The following CSF1R variants were observed in gnomAD, a reference collection of about 807,000 sequenced individuals.
CSF1R encodes colony stimulating factor 1 receptor, also known as macrophage colony-stimulating factor 1 receptor.
CSF1R carries 40 observed loss-of-function variants against 110.0 expected under a neutral mutation model. The observed-to-expected ratio is 0.36, with a 90% CI of 0.28 to 0.47. CSF1R has a LOEUF of 0.47. Among genes scored for constraint, CSF1R ranks in the 20% least tolerant of loss-of-function variants. The pLI, the probability that CSF1R is intolerant of heterozygous loss-of-function variation, is 0.99. For synonymous variants in CSF1R, 523 were observed against 503.4 expected, an observed-to-expected ratio of 1.04 and a Z score of -0.52; for missense variants, 1,052 against 1,253.0, an observed-to-expected ratio of 0.84 and a Z score of 2.42.
intron 18 of CSF1R, 131 bp from the exon 19 acceptor site, chr5:150,055,467 G>A (rs540992726): frequency 4.2e-5 from 31 of 740,492 alleles, no homozygotes; most frequent in Middle Eastern, 3.0e-4. Flanking sequence ...ACTCTTACCC[G>A]GTGCTTCCTG....
At chr5:150,084,427 GA>G (rs1758732063) in intron 1 of CSF1R, among the ~76,000 whole-genome samples, 1 of 65,696 alleles carries the variant, frequency 1.5e-5, no homozygotes, top group Non-Finnish European at 3.0e-5. Context: ...AGGAAGGAAG[GA>G]AGGAAGGAAG....
intron 1 of CSF1R, among the ~76,000 whole-genome samples, chr5:150,102,571 CCAGGTT>C (rs1759436309): frequency 6.6e-6 from 1 of 152,152 alleles, no homozygotes; most frequent in South Asian, 2.1e-4. Context: ...CCTCTGACTC[CCAGGTT>C]CAAGCGATTC....
At chr5:150,110,667 ATAT>A (rs1759690199) in intron 1 of CSF1R, among the ~76,000 whole-genome samples, 1 of 152,244 alleles carries the variant, frequency 6.6e-6, no homozygotes, top group Non-Finnish European at 1.5e-5. Flanking sequence ...ACAGATACAA[ATAT>A]TAGTATGGAT....
At chr5:150,090,726 A>G (rs1236839368), upstream of CSF1R, among the ~76,000 whole-genome samples, 2 of 152,238 alleles carry the variant, frequency 1.3e-5, no homozygotes, top group African/African-American at 4.8e-5. Context: ...AAAAATAGGC[A>G]AATTCAAATA....
intron 1 of CSF1R, among the ~76,000 whole-genome samples, chr5:150,100,845 AAGT>A (rs1759382259): frequency 6.6e-6 from 1 of 152,200 alleles, no homozygotes; most frequent in Non-Finnish European, 1.5e-5. Flanking sequence ...GAATAGTAAA[AAGT>A]AGTATTTATA....
At chr5:150,105,347 C>CAAAAAAA (rs780403646) in intron 1 of CSF1R, among the ~76,000 whole-genome samples, 4 of 76,552 alleles carry the variant, frequency 5.2e-5, no homozygotes, top group African/African-American at 1.2e-4. Flanking sequence ...GACTCTGTCT[C>CAAAAAAA]AAAAAAAAAA....
At chr5:150,096,467 T>C (rs1300432370) in intron 1 of CSF1R, among the ~76,000 whole-genome samples, 1 of 152,168 alleles carries the variant, frequency 6.6e-6, no homozygotes, top group African/African-American at 2.4e-5. Context: ...AGAGATGACT[T>C]TTTAATTCAT....
intron 1 of CSF1R, among the ~76,000 whole-genome samples, chr5:150,095,975 C>G (rs1208304275): frequency 1.3e-5 from 2 of 152,164 alleles, no homozygotes; most frequent in Non-Finnish European, 2.9e-5. Flanking sequence ...ATAACATGAA[C>G]AGTCCTGTAT....
At chr5:150,075,812 C>G (rs1227587639) in intron 5 of CSF1R, among the ~76,000 whole-genome samples, 10 of 152,138 alleles carry the variant, frequency 6.6e-5, no homozygotes, top group African/African-American at 2.4e-4. Context: ...GATTAGAAGC[C>G]GTAACTGAAT....
intron 19 of CSF1R, 69 bp downstream of exon 19, chr5:150,055,168 A>G: frequency 1.4e-6 from 2 of 1,383,320 alleles, no homozygotes; most frequent in East Asian, 2.3e-5. Context: ...TCAGGGCCAC[A>G]CGGCCTTCCA....
chr5:150,085,277 G>GAAAAAAAAAAAAAAAAGAA, intron 1 of CSF1R, among the ~76,000 whole-genome samples: 1 of 92,466 alleles, frequency 1.1e-5, no homozygotes, highest in East Asian at 3.6e-4. Flanking sequence ...TCTGTCTCAG[G>GAAAAAAAAAAAAAAAAGAA]AAAAAAAAAA....
Position 150,086,361 on chromosome 5 carries a change from C to A in CSF1R, c.49+18G>T, listed in dbSNP as rs375924060. On this transcript the variant is annotated intron_variant, in intron 1 of 20. Transcript: ENST00000675795. The stretch of plus-strand genomic sequence containing the variant: ...ATCACACCCCAACAAAGTCCCCCAC[C>A]CCCCGTTCTGCTCTTACCATGCCAA... The A allele has an allele frequency of 3.8e-6, 6 of 1,596,434 alleles. No homozygotes were observed. The highest frequency in any genetic ancestry group is 2.7e-5 in the African/African-American group (2 of 74,552).
upstream of CSF1R, chr5:150,086,567 TC>T: frequency 1.3e-6 from 1 of 752,318 alleles, no homozygotes; most frequent in Non-Finnish European, 2.2e-6. Flanking sequence ...CTTGTTTTCC[TC>T]TTCCTCCTCC....
At chr5:150,074,900 A>G (rs956802290) in intron 5 of CSF1R, among the ~76,000 whole-genome samples, 1 of 152,136 alleles carries the variant, frequency 6.6e-6, no homozygotes, top group Non-Finnish European at 1.5e-5. Flanking sequence ...TGAACACACC[A>G]TAGTCATTCC....
Position 150,054,031 on chromosome 5 carries a change from T to C in CSF1R, c.*38A>G, listed in dbSNP as rs764596420. On this transcript the variant is annotated 3_prime_UTR_variant, in exon 21 of 21. Transcript: ENST00000675795. Reference sequence around the variant, plus strand: ...CCCCATCCATGGAGGAGTTGAAGTTTGTGGGAGGGGAGAGTGGTACTCCCT... The same window carrying C: ...CCCCATCCATGGAGGAGTTGAAGTTCGTGGGAGGGGAGAGTGGTACTCCCT... 11 of 1,604,086 alleles carry C rather than the reference T, an allele frequency of 6.9e-6. No homozygotes were observed. Among genetic ancestry groups the C allele is most frequent in the Non-Finnish European group, 9.4e-6 (11 of 1,172,880 alleles).
chr5:150,061,083 C>A, intron 12 of CSF1R, 111 bp from the exon 13 acceptor site: 1 of 712,304 alleles, frequency 1.4e-6, no homozygotes, highest in Non-Finnish European at 2.4e-6. Context: ...AGGGCATACC[C>A]CAAGACCCGG....
rs530012022 is a variant in CSF1R, at chr5:150,074,608, G to A, written c.890-1115C>T. ...TGCCTGTCATGGTAGCCCCTGACAT[G>A]CCTTCTTAAAACCTCAGGGCTCTGC... On this transcript the variant is annotated intron_variant, in intron 5 of 20. Transcript: ENST00000675795. Among the ~76,000 whole-genome samples, 225 of 152,230 alleles carry A rather than the reference G, an allele frequency of 1.5e-3. 3 individuals are homozygous for A. Among genetic ancestry groups the A allele is most frequent in the Non-Finnish European group, 1.9e-3 (131 of 68,018 alleles).
chr5:150,086,270 G>T, intron 1 of CSF1R, 109 bp downstream of exon 1: 3 of 1,099,266 alleles, frequency 2.7e-6, no homozygotes, highest in Non-Finnish European at 2.7e-6. Context: ...GTGTTGGGGA[G>T]ACTAAAACAG....
intron 6 of CSF1R, 120 bp downstream of exon 6, chr5:150,073,181 G>A: frequency 1.1e-6 from 1 of 943,772 alleles, no homozygotes; most frequent in Non-Finnish European, 1.6e-6. Flanking sequence ...CCCAGAAAGG[G>A]GCAGGGACTT....
Sources: gnomAD v4.1 joint callset for allele counts (sites outside exome capture counted in the v4.1 genomes callset) on GRCh38, gnomAD v4.1.1 for gene constraint, MANE v1.5 for transcripts, NCBI Gene and HGNC (gene_info 2026-07-23, HGNC 2026-07-21) for gene names.